The following TEX9 variants were observed in gnomAD, a reference collection of about 807,000 sequenced individuals.
The protein encoded by TEX9 is testis expressed 9, also known as testis-expressed protein 9.
TEX9 carries 74 observed loss-of-function variants against 59.6 expected under a neutral mutation model. The observed-to-expected ratio is 1.24, with a 90% CI of 1.03 to 1.51. TEX9 has a LOEUF of 1.51. Ranked by LOEUF, TEX9 falls within the 40% of genes most tolerant of loss-of-function variation. The pLI is 0.00. For synonymous variants in TEX9, 186 were observed against 152.2 expected (o/e 1.22, Z -1.64); for missense variants, 522 against 447.8 (o/e 1.17, Z -1.49).
At chr15:56,394,140 T>C in intron 7 of TEX9, 25 bp from the exon 8 acceptor site, 2 of 1,589,098 alleles carry the variant, frequency 1.3e-6, no homozygotes, top group South Asian at 2.3e-5. Flanking sequence ...CAAAAGACAG[T>C]AAATATAATT....
intron 11 of TEX9, among the ~76,000 whole-genome samples, chr15:56,428,127 T>C (rs1352623162): frequency 6.6e-6 from 1 of 152,072 alleles, no homozygotes; most frequent in African/African-American, 2.4e-5. Context: ...TTTCCTTCTT[T>C]GCAAAGGTCA....
chr15:56,268,860 C>T (rs1159759555), intron 1 of TEX9, among the ~76,000 whole-genome samples: 1 of 151,908 alleles, frequency 6.6e-6, no homozygotes, highest in East Asian at 1.9e-4. Context: ...AAGGAGGATT[C>T]CCCCTTTTTC....
At chr15:56,359,918 A>G (rs1450344178) in intron 1 of TEX9, among the ~76,000 whole-genome samples, 1 of 152,144 alleles carries the variant, frequency 6.6e-6, no homozygotes, top group African/African-American at 2.4e-5. Flanking sequence ...CTGTAGTCCT[A>G]GTTTTCTGAG....
At chr15:56,434,066 GT>G in intron 12 of TEX9, 1 of 1,466,934 alleles carries the variant, frequency 6.8e-7, no homozygotes, top group Non-Finnish European at 9.2e-7. Context: ...CTCAGTAAAT[GT>G]TTAGTGGATG....
chr15:56,371,210 G>A (rs1368796180), intron 2 of TEX9, among the ~76,000 whole-genome samples: 1 of 152,138 alleles, frequency 6.6e-6, no homozygotes, highest in Non-Finnish European at 1.5e-5. Flanking sequence ...TTCAATGGAT[G>A]TTAACCTGTC....
At chr15:56,365,310 G>A (rs868184355), upstream of TEX9, 44 of 1,147,698 alleles carry the variant, frequency 3.8e-5, no homozygotes, top group South Asian at 5.6e-4. Flanking sequence ...GGCCGAGCCC[G>A]CTGCCAGAGG....
At chr15:56,446,960 A>G, downstream of TEX9, 1 of 1,553,712 alleles carries the variant, frequency 6.4e-7, no homozygotes, top group Non-Finnish European at 8.8e-7. Flanking sequence ...AAAAAAACAA[A>G]AACAAATTTA....
intron 1 of TEX9, among the ~76,000 whole-genome samples, chr15:56,339,523 G>T (rs926919785): frequency 6.7e-6 from 1 of 149,662 alleles, no homozygotes; most frequent in Non-Finnish European, 1.5e-5. Flanking sequence ...TGAAAACAAC[G>T]CATATGCCAG....
intron 1 of TEX9, among the ~76,000 whole-genome samples, chr15:56,283,493 T>G (rs2044869375): frequency 6.6e-6 from 1 of 152,170 alleles, no homozygotes. Context: ...TAAAAGATAT[T>G]TAATCAATGG....
the TEX9 span, among the ~76,000 whole-genome samples, chr15:56,459,551 C>A: frequency 2.0e-5 from 3 of 152,104 alleles, no homozygotes; most frequent in Admixed American, 6.5e-5. Flanking sequence ...TTTTAAGCAG[C>A]TAAGTTTGTG....
chr15:56,427,817 G>A, intron 11 of TEX9, 78 bp downstream of exon 11: 1 of 1,169,198 alleles, frequency 8.6e-7, no homozygotes, highest in Non-Finnish European at 1.2e-6. Context: ...TTCACTTTAG[G>A]TATGTTTTTG....
upstream of TEX9, among the ~76,000 whole-genome samples, chr15:56,364,748 A>G (rs1292492291): frequency 6.6e-6 from 1 of 152,222 alleles, no homozygotes; most frequent in East Asian, 1.9e-4. Flanking sequence ...TCAGATGACC[A>G]TACATCATAT....
chr15:56,376,709 TCTTTA>T (rs1178095784), intron 3 of TEX9, among the ~76,000 whole-genome samples: 2 of 152,172 alleles, frequency 1.3e-5, no homozygotes, highest in Admixed American at 6.5e-5. Flanking sequence ...GTGGGTTGTC[TCTTTA>T]CTTTATTGTT....
At chr15:56,426,638 A>AC (rs1567141726) in intron 10 of TEX9, among the ~76,000 whole-genome samples, 5 of 78,184 alleles carry the variant, frequency 6.4e-5, no homozygotes, top group Non-Finnish European at 5.3e-5. Flanking sequence ...CACACACACA[A>AC]ACACACACAC....
intron 1 of TEX9, among the ~76,000 whole-genome samples, chr15:56,279,588 T>C (rs2141446250): frequency 6.6e-6 from 1 of 152,244 alleles, no homozygotes; most frequent in East Asian, 1.9e-4. Context: ...CATAGAGAAA[T>C]CTAAAAGTTA....
At chr15:56,263,423 C>A (rs2947021) in intron 1 of TEX9, among the ~76,000 whole-genome samples, 58,603 of 151,966 alleles carry the variant, frequency 0.39, 11,576 homozygotes, top group Non-Finnish European at 0.43. Flanking sequence ...ATTGACTTTA[C>A]GTTTGCCATT....
At chr15:56,315,696 C>G (rs1398591863) in intron 1 of TEX9, among the ~76,000 whole-genome samples, 6 of 142,402 alleles carry the variant, frequency 4.2e-5, no homozygotes, top group Middle Eastern at 3.6e-3. Flanking sequence ...GAACGTTGGC[C>G]TGCCTTGCTA....
intron 1 of TEX9, among the ~76,000 whole-genome samples, chr15:56,322,738 G>A (rs1042442996): frequency 6.6e-6 from 1 of 152,120 alleles, no homozygotes; most frequent in Non-Finnish European, 1.5e-5. Flanking sequence ...CAGAGTCAAA[G>A]TTTTGCCAGA....
chr15:56,447,822 G>A (rs183913558), downstream of TEX9: 5 of 152,032 alleles, frequency 3.3e-5, no homozygotes, highest in Admixed American at 6.6e-5. Context: ...CTTTATGTTC[G>A]CACTTATCCT....
Sources: gnomAD v4.1 joint callset for allele counts (sites outside exome capture counted in the v4.1 genomes callset) on GRCh38, gnomAD v4.1.1 for gene constraint, MANE v1.5 for transcripts, NCBI Gene and HGNC (gene_info 2026-07-23, HGNC 2026-07-21) for gene names.